PRKN: variants seen among roughly 807,000 people sequenced by gnomAD.
The protein encoded by PRKN is parkin RBR E3 ubiquitin protein ligase, also known as E3 ubiquitin-protein ligase parkin.
A neutral mutation model predicts 59.5 loss-of-function variants in PRKN; 56 were observed. That is an observed-to-expected ratio of 0.94 (90% CI 0.76 to 1.18). The LOEUF is 1.18. Ranked by LOEUF, PRKN falls within the 50% of genes most tolerant of loss-of-function variation. PRKN has a pLI of 0.00. For synonymous variants in PRKN, 250 were observed against 222.1 expected (o/e 1.13, Z -1.12); for missense variants, 657 against 596.4 (o/e 1.10, Z -1.06).
intron 1 of PRKN, among the ~76,000 whole-genome samples, chr6:162,712,102 C>T (rs1214952351): frequency 1.3e-5 from 2 of 152,102 alleles, no homozygotes; most frequent in Non-Finnish European, 2.9e-5. Context: ...TCTGTTGGTC[C>T]GATTAATCAG....
intron 6 of PRKN, among the ~76,000 whole-genome samples, chr6:161,871,884 G>A (rs948845563): frequency 1.3e-5 from 2 of 152,158 alleles, no homozygotes; most frequent in South Asian, 2.1e-4. Context: ...GCACGAGGAC[G>A]TGAACGGCTC....
chr6:162,602,250 G>C (rs973967867), intron 1 of PRKN, among the ~76,000 whole-genome samples: 4 of 152,188 alleles, frequency 2.6e-5, no homozygotes, highest in Non-Finnish European at 5.9e-5. Context: ...TTGAGAGGGA[G>C]AGAAGAGAGA....
intron 1 of PRKN, among the ~76,000 whole-genome samples, chr6:162,604,366 AC>A (rs1419651711): frequency 6.6e-6 from 1 of 152,076 alleles, no homozygotes; most frequent in African/African-American, 2.4e-5. Context: ...CAAGTCAAAT[AC>A]CTTGCTTTCC....
intron 1 of PRKN, among the ~76,000 whole-genome samples, chr6:162,519,710 C>A (rs929798154): frequency 1.3e-5 from 2 of 152,024 alleles, no homozygotes; most frequent in African/African-American, 4.8e-5. Context: ...AGTCCAAATG[C>A]ATTTATTTTT....
intron 3 of PRKN, among the ~76,000 whole-genome samples, chr6:162,241,113 AT>A (rs1778971278): frequency 6.6e-6 from 1 of 152,118 alleles, no homozygotes; most frequent in Non-Finnish European, 1.5e-5. Context: ...ATTCTGACCC[AT>A]TTTCCTCTTC....
chr6:162,437,204 T>C (rs553627185), intron 2 of PRKN, among the ~76,000 whole-genome samples: 20 of 152,362 alleles, frequency 1.3e-4, no homozygotes, highest in African/African-American at 2.2e-4. Context: ...ATGTGTCTGC[T>C]AATCAATTAA....
intron 1 of PRKN, among the ~76,000 whole-genome samples, chr6:162,559,771 T>C (rs1174699508): frequency 6.6e-6 from 1 of 152,224 alleles, no homozygotes; most frequent in African/African-American, 2.4e-5. Context: ...TCCTCACCAG[T>C]ATTCCTTACC....
chr6:161,464,880 T>C (rs1790384687), intron 9 of PRKN, among the ~76,000 whole-genome samples: 1 of 152,172 alleles, frequency 6.6e-6, no homozygotes, highest in Admixed American at 6.5e-5. Flanking sequence ...TCCCCACCTG[T>C]TGCTTGCTGG....
chr6:162,239,289 A>G (rs1395849076), intron 3 of PRKN, among the ~76,000 whole-genome samples: 1 of 151,870 alleles, frequency 6.6e-6, no homozygotes, highest in East Asian at 1.9e-4. Flanking sequence ...TTTATTTTCT[A>G]TTTTATCTAT....
At position 161,593,392 on chromosome 6, in the gene PRKN, G is replaced by C. The variant is rs976557030; in HGVS notation, c.872-23976C>G. On this transcript the variant is annotated intron_variant, in intron 7 of 11. Transcript: ENST00000366898. This position sits in a 1 kb window ranked among gnomAD's most constrained non-coding sequence, Gnocchi z 4.8. Reference sequence around the variant, plus strand: ...GCCCAGTGTCACAAAACTAATATATGGTGAGGCTGGTTTCAAGCTAATATT... The same window carrying C: ...GCCCAGTGTCACAAAACTAATATATCGTGAGGCTGGTTTCAAGCTAATATT... 1.3e-5 allele frequency among the ~76,000 whole-genome samples: 2 copies of C among 152,134 alleles called. No homozygotes were observed. Among genetic ancestry groups the C allele is most frequent in the Admixed American group, 6.5e-5 (1 of 15,270 alleles).
chr6:161,790,193 T>G (rs982713653), intron 6 of PRKN, among the ~76,000 whole-genome samples: 1 of 152,190 alleles, frequency 6.6e-6, no homozygotes, highest in Non-Finnish European at 1.5e-5. Context: ...ACGGGAGGAT[T>G]GATGTTTGGT....
rs983236777 is a variant in PRKN, at chr6:161,369,800, T to C, written c.1168-9595A>G. Among the ~76,000 whole-genome samples, 3 of 151,892 alleles carry C rather than the reference T, an allele frequency of 2.0e-5. No homozygotes were observed. The highest frequency in any genetic ancestry group is 2.0e-4 in the Admixed American group (3 of 15,226). ...CTTATATATAGATGTTTCATATATA[T>C]ATTTCATATGATTATAGGAAATATA... On this transcript the variant is annotated intron_variant, in intron 10 of 11. Coordinates refer to ENST00000366898, the MANE Select transcript of PRKN (RefSeq NM_004562.3). This position sits in a 1 kb window ranked among gnomAD's most constrained non-coding sequence, Gnocchi z 5.8.
At chr6:161,714,326 C>A (rs1386596446) in intron 7 of PRKN, among the ~76,000 whole-genome samples, 1 of 152,166 alleles carries the variant, frequency 6.6e-6, no homozygotes, top group Non-Finnish European at 1.5e-5. Flanking sequence ...GAAATGGCTT[C>A]TTTAAGATGT....
chr6:161,871,849 T>A (rs1166683739), intron 6 of PRKN, among the ~76,000 whole-genome samples: 1 of 152,166 alleles, frequency 6.6e-6, no homozygotes. Flanking sequence ...CTCCCGTGTA[T>A]ATTTGCATAT....
Position 161,562,254 on chromosome 6 carries a change from C to T in PRKN, c.933+7101G>A, listed in dbSNP as rs572591456. On this transcript the variant is annotated intron_variant, in intron 8 of 11. Coordinates refer to ENST00000366898, the MANE Select transcript of PRKN (RefSeq NM_004562.3). This position sits in a 1 kb window ranked among gnomAD's most constrained non-coding sequence, Gnocchi z 4.3. Reference sequence around the variant, plus strand: ...AATCGCCATTCTCCTCTGGAGGACCCGCCTTCTTGGCTTCCTCAACACCAC... The same window carrying T: ...AATCGCCATTCTCCTCTGGAGGACCTGCCTTCTTGGCTTCCTCAACACCAC... Among the ~76,000 whole-genome samples, 15 of 151,342 alleles carry T rather than the reference C, an allele frequency of 9.9e-5. No individual in the cohort carries two copies. The highest frequency in any genetic ancestry group is 2.1e-4 in the South Asian group (1 of 4,758).
At chr6:161,801,484 C>T (rs1791075991) in intron 6 of PRKN, among the ~76,000 whole-genome samples, 1 of 152,188 alleles carries the variant, frequency 6.6e-6, no homozygotes, top group East Asian at 1.9e-4. Flanking sequence ...CTGAGATTAC[C>T]GTGTGACTGA....
intron 2 of PRKN, among the ~76,000 whole-genome samples, chr6:162,405,351 TCTAA>T (rs1347611042): frequency 6.6e-6 from 1 of 152,186 alleles, no homozygotes; most frequent in Non-Finnish European, 1.5e-5. Context: ...CAGGGGTTTC[TCTAA>T]GTCGCCCTCA....
At chr6:162,527,807 G>T (rs2846501) in intron 1 of PRKN, among the ~76,000 whole-genome samples, 1 of 151,682 alleles carries the variant, frequency 6.6e-6, no homozygotes, top group Non-Finnish European at 1.5e-5. Flanking sequence ...ACATACAGTC[G>T]CTCCTTTTAA....
chr6:162,425,442 G>C (rs938175113), intron 2 of PRKN, among the ~76,000 whole-genome samples: 1 of 152,090 alleles, frequency 6.6e-6, no homozygotes, highest in African/African-American at 2.4e-5. Flanking sequence ...ACAGAATTTT[G>C]TACAGATATC....
Sources: allele counts gnomAD v4.1 joint callset (sites outside exome capture counted in the v4.1 genomes callset), GRCh38; gene constraint gnomAD v4.1.1; non-coding constraint Gnocchi (gnomAD v3.1); transcripts MANE v1.5; gene names NCBI Gene and HGNC (gene_info 2026-07-23, HGNC 2026-07-21).